The following ARL15 variants were observed in gnomAD, a reference collection of about 807,000 sequenced individuals.
ARL15 encodes ARF like GTPase 15.
Under a neutral mutation model 25.2 loss-of-function variants are expected in ARL15, and 19 were observed. That is an observed-to-expected ratio of 0.75 (90% CI 0.53 to 1.10). The LOEUF is 1.10. ARL15 is among the 50% of genes least tolerant of loss of function. The probability of loss-of-function intolerance (pLI) is 0.00; values close to 1 mark genes in which losing one functional copy is unlikely to be tolerated. For missense variants in ARL15, 220 were observed against 246.0 expected (o/e 0.89, Z 0.71); for synonymous variants, 94 against 86.8 (o/e 1.08, Z -0.46).
intron 4 of ARL15, among the ~76,000 whole-genome samples, chr5:54,003,672 C>A (rs915332131): frequency 1.3e-5 from 1 of 77,556 alleles, no homozygotes; most frequent in East Asian, 3.2e-4. Context: ...TTCTATCTAT[C>A]TATCTATCTA....
intron 1 of ARL15, among the ~76,000 whole-genome samples, chr5:54,266,048 G>A (rs1344149481): frequency 2.0e-5 from 3 of 152,156 alleles, no homozygotes; most frequent in Admixed American, 6.6e-5. Flanking sequence ...TGTTCTAAAC[G>A]GCTCCATGTC....
At chr5:54,041,048 C>T (rs557626128) in intron 4 of ARL15, among the ~76,000 whole-genome samples, 3 of 152,152 alleles carry the variant, frequency 2.0e-5, no homozygotes, top group East Asian at 1.9e-4. Context: ...TTCTATTAGA[C>T]AAAGTAACAT....
At chr5:54,030,087 A>G (rs1405106158) in intron 4 of ARL15, among the ~76,000 whole-genome samples, 1 of 152,170 alleles carries the variant, frequency 6.6e-6, no homozygotes, top group African/African-American at 2.4e-5. Flanking sequence ...AGGTGGGAGG[A>G]TCACTTGAAC....
chr5:54,126,104 T>G (rs575705470), intron 3 of ARL15, among the ~76,000 whole-genome samples: 2 of 152,320 alleles, frequency 1.3e-5, no homozygotes, highest in African/African-American at 4.8e-5. Context: ...TTACCTCTGC[T>G]GATATTCTCC....
chr5:54,246,050 T>C (rs1460617867), intron 1 of ARL15, among the ~76,000 whole-genome samples: 1 of 152,174 alleles, frequency 6.6e-6, no homozygotes, highest in Non-Finnish European at 1.5e-5. Context: ...GTGTCATTGA[T>C]AGATTTCTGA....
At chr5:54,202,293 G>A (rs1288943971) in intron 1 of ARL15, among the ~76,000 whole-genome samples, 1 of 152,118 alleles carries the variant, frequency 6.6e-6, no homozygotes, top group African/African-American at 2.4e-5. Context: ...TGGCCAGGGG[G>A]CATCAAGGTT....
intron 1 of ARL15, among the ~76,000 whole-genome samples, chr5:54,305,246 T>C (rs528046806): frequency 1.1e-4 from 16 of 152,298 alleles, no homozygotes; most frequent in African/African-American, 3.8e-4. Flanking sequence ...ACTCCTGTAA[T>C]CCCAGCACTT....
chr5:54,144,998 T>G (rs1185712450), intron 3 of ARL15, among the ~76,000 whole-genome samples: 1 of 152,256 alleles, frequency 6.6e-6, no homozygotes, highest in Non-Finnish European at 1.5e-5. Context: ...GTCTGTACCT[T>G]TAGCTTTGTC....
intron 4 of ARL15, among the ~76,000 whole-genome samples, chr5:54,015,824 TTCTGAA>T (rs2111810512): frequency 6.6e-6 from 1 of 152,286 alleles, no homozygotes; most frequent in South Asian, 2.1e-4. Flanking sequence ...TTTGAGCTTG[TTCTGAA>T]AACCTATACT....
chr5:54,110,235 T>A (rs1382925087), intron 4 of ARL15, among the ~76,000 whole-genome samples: 1 of 152,008 alleles, frequency 6.6e-6, no homozygotes, highest in Admixed American at 6.5e-5. Context: ...AACTTCCTTA[T>A]GATTTTTATT....
chr5:53,958,735 G>A (rs1747257156), intron 4 of ARL15, among the ~76,000 whole-genome samples: 1 of 152,108 alleles, frequency 6.6e-6, no homozygotes, highest in Admixed American at 6.6e-5. Context: ...GATATTGTAT[G>A]CACATAGTGA....
chr5:54,260,049 A>G (rs1334740851), intron 1 of ARL15, among the ~76,000 whole-genome samples: 1 of 152,214 alleles, frequency 6.6e-6, no homozygotes, highest in Non-Finnish European at 1.5e-5. Context: ...AGAATTCAAG[A>G]GTGATGCAAA....
intron 4 of ARL15, among the ~76,000 whole-genome samples, chr5:54,096,633 A>T (rs1050075655): frequency 1.3e-5 from 2 of 151,864 alleles, no homozygotes; most frequent in Non-Finnish European, 2.9e-5. Context: ...TTGGTCTCAA[A>T]CTCCTGACCT....
At chr5:54,074,235 C>A (rs1213931440) in intron 4 of ARL15, among the ~76,000 whole-genome samples, 1 of 152,070 alleles carries the variant, frequency 6.6e-6, no homozygotes, top group Non-Finnish European at 1.5e-5. Context: ...CCACTGCTTA[C>A]AAACTGAGCC....
intron 4 of ARL15, 180 bp downstream of exon 4, chr5:54,113,022 G>C: frequency 1.7e-6 from 1 of 600,830 alleles, no homozygotes; most frequent in Non-Finnish European, 2.9e-6. Flanking sequence ...AGTAGGGTTA[G>C]GTATGTAAAC....
At chr5:54,188,852 C>G (rs1755315129) in intron 1 of ARL15, among the ~76,000 whole-genome samples, 2 of 152,150 alleles carry the variant, frequency 1.3e-5, no homozygotes, top group East Asian at 1.9e-4. Flanking sequence ...CCACAGCTCT[C>G]TTTTTAATCC....
intron 4 of ARL15, among the ~76,000 whole-genome samples, chr5:54,040,300 C>T (rs1750298261): frequency 6.6e-6 from 1 of 152,102 alleles, no homozygotes; most frequent in South Asian, 2.1e-4. Flanking sequence ...AAAGAAAGCT[C>T]ATACTTAAAC....
At chr5:54,047,688 T>C (rs2111973316) in intron 4 of ARL15, among the ~76,000 whole-genome samples, 1 of 152,298 alleles carries the variant, frequency 6.6e-6, no homozygotes, top group South Asian at 2.1e-4. Flanking sequence ...AGTTATTCAC[T>C]ATAACCAGTA....
chr5:54,147,947 G>T (rs1323526124), intron 3 of ARL15, among the ~76,000 whole-genome samples: 1 of 152,160 alleles, frequency 6.6e-6, no homozygotes, highest in Non-Finnish European at 1.5e-5. Context: ...TAAGTATTTG[G>T]CTGGAGTTTT....
Sources: gnomAD v4.1 joint callset for allele counts (sites outside exome capture counted in the v4.1 genomes callset) on GRCh38, gnomAD v4.1.1 for gene constraint, MANE v1.5 for transcripts, NCBI Gene and HGNC (gene_info 2026-07-23, HGNC 2026-07-21) for gene names.